The following CASK variants were observed in gnomAD, a reference collection of about 807,000 sequenced individuals.
The protein encoded by CASK is peripheral plasma membrane protein CASK.
In CASK, 4 loss-of-function variants were observed where a neutral mutation model predicts 82.9. That is an observed-to-expected ratio of 0.05 (90% CI 0.02 to 0.11). CASK has a LOEUF of 0.11. CASK is among the 10% of genes least tolerant of loss of function. CASK has a pLI of 1.00. For synonymous variants in CASK, 259 were observed against 253.5 expected (o/e 1.02, Z -0.20); for missense variants, 358 against 720.9 (o/e 0.50, Z 5.76).
chrX:41,734,474 G>GA lies in CASK; in HGVS notation c.429+4909dup, dbSNP rs201490785. Among the ~76,000 whole-genome samples, 52 of 107,210 alleles carry GA rather than the reference G, an allele frequency of 4.9e-4. No individual in the cohort carries two copies. The East Asian group carries it at 0.012, about 25-fold the overall frequency. The allele number at this position is 107,210 out of a possible 115,157, so 93.1% of individuals were successfully genotyped here. ...ACTTTTAATTTAGGGGTGAGAGGAA[G>GA]AAAAAAAAATACCAGAAACATAATG... is the stretch of plus-strand genomic sequence containing the variant. On this transcript the variant is annotated intron_variant, in intron 5 of 26. Coordinates refer to ENST00000378163, the MANE Select transcript of CASK (RefSeq NM_001367721.1).
intron 18 of CASK, chrX:41,558,571 C>G (rs750666859): frequency 9.0e-6 from 1 of 111,358 alleles, no homozygotes; most frequent in Admixed American, 9.6e-5. Context: ...TTAAGTGTGA[C>G]ATTCTTTGTT....
intron 8 of CASK, among the ~76,000 whole-genome samples, chrX:41,642,351 C>T (rs1232542622): frequency 2.7e-5 from 3 of 112,170 alleles, no homozygotes; most frequent in Admixed American, 9.4e-5. Flanking sequence ...AACTAGTTTA[C>T]AGTCCCACCA....
At chrX:41,654,629 C>T (rs761736384) in intron 8 of CASK, among the ~76,000 whole-genome samples, 5 of 110,854 alleles carry the variant, frequency 4.5e-5, no homozygotes, top group African/African-American at 9.9e-5. Context: ...GCTGAGATTG[C>T]GCCACTGCAC....
Position 41,561,561 on chromosome X carries a change from G to A in CASK, c.1666C>T (p.Leu556Phe), listed in dbSNP as rs759510154. ...NQTVEQLQKM[L>F]REMRGSITFK... ...AGGAAAAACTTTCATTTACTTACAA[G>A]CATTTTTTGCAGTTGTTCCACTGTT... The change falls in exon 17 of 27, where the codon CTT (leucine) becomes TTT (phenylalanine). Residue 556 changes from leucine (L) to phenylalanine (F), a missense_variant and splice_region_variant. By Grantham distance (22) the Leu-to-Phe change is conservative (BLOSUM62 0). This residue lies in a region of CASK where 110 missense variants were observed against 218.8 expected (regional missense o/e 0.50). Transcript: ENST00000378163. 5.1e-6 allele frequency: 6 copies of A among 1,181,608 alleles called. No individual in the cohort carries two copies. Among genetic ancestry groups the A allele is most frequent in the Non-Finnish European group, 6.9e-6 (6 of 869,160 alleles).
intron 2 of CASK, among the ~76,000 whole-genome samples, chrX:41,834,202 T>C (rs930058773): frequency 1.8e-5 from 2 of 111,910 alleles, no homozygotes; most frequent in African/African-American, 6.5e-5. Context: ...AACTGTCCTT[T>C]TGTTTGGCGC....
chrX:41,643,620 T>G (rs1478699390), intron 8 of CASK, among the ~76,000 whole-genome samples: 2 of 111,983 alleles, frequency 1.8e-5, no homozygotes, highest in Non-Finnish European at 3.8e-5. Context: ...TGCACATTGA[T>G]TTTGTATCCT....
chrX:41,612,638 C>T (rs1459370564), intron 11 of CASK, among the ~76,000 whole-genome samples: 8 of 95,971 alleles, frequency 8.3e-5, no homozygotes, highest in Non-Finnish European at 4.2e-5. Flanking sequence ...CCAGCCGCCC[C>T]GTCCGGGAGG....
At chrX:41,732,850 C>A (rs770599827) in intron 5 of CASK, among the ~76,000 whole-genome samples, 10 of 109,033 alleles carry the variant, frequency 9.2e-5, no homozygotes, top group Non-Finnish European at 1.7e-4. Context: ...CCTGCCTCAG[C>A]CTCTCCAGTA....
chrX:41,627,301 T>C (rs1178978006), intron 9 of CASK, among the ~76,000 whole-genome samples: 1 of 112,359 alleles, frequency 8.9e-6, no homozygotes, highest in Non-Finnish European at 1.9e-5. Context: ...ATGCATAGCC[T>C]CCCCTTATTC....
At position 41,517,793 on chromosome X, in the gene CASK, G is replaced by C. The variant is rs2064579760; in HGVS notation, c.*2627C>G. 2 of 785,845 alleles carry C rather than the reference G, an allele frequency of 2.5e-6. No homozygotes were observed. The highest frequency in any genetic ancestry group is 2.7e-5 in the Admixed American group (1 of 37,659). 64.8% of individuals were successfully genotyped at this position (785,845 alleles called of 1,213,427 possible). On this transcript the variant is annotated 3_prime_UTR_variant, in exon 27 of 27. Transcript: ENST00000378163. ...AGTAGCAGCAGCAGCAGCAGCAGCA[G>C]CAGCAGCAGCAGCAGCAGCAGCAGC...
chrX:41,820,380 T>C (rs2147902482), intron 2 of CASK, among the ~76,000 whole-genome samples: 1 of 111,286 alleles, frequency 9.0e-6, no homozygotes, highest in East Asian at 2.8e-4. Context: ...TCAATAATCA[T>C]TAAATTAAAA....
chrX:41,646,459 C>G (rs191726585), intron 8 of CASK, among the ~76,000 whole-genome samples: 11 of 110,978 alleles, frequency 9.9e-5, no homozygotes, highest in East Asian at 5.7e-4. Context: ...ACTGTGCATA[C>G]GAGGATCAGC....
At chrX:41,834,691 T>G (rs780045026) in intron 2 of CASK, among the ~76,000 whole-genome samples, 9 of 111,785 alleles carry the variant, frequency 8.1e-5, no homozygotes, top group African/African-American at 2.3e-4. Flanking sequence ...CCTATTGCAA[T>G]AGTTTCTCCC....
intron 6 of CASK, among the ~76,000 whole-genome samples, chrX:41,666,188 CTCTT>C (rs748274313): frequency 5.3e-5 from 6 of 112,150 alleles, no homozygotes; most frequent in Admixed American, 1.9e-4. Flanking sequence ...CCATTCAATC[CTCTT>C]TGACTTTCAT....
At chrX:41,561,425 A>T in intron 17 of CASK, 134 bp downstream of exon 17, 1 of 504,122 alleles carries the variant, frequency 2.0e-6, no homozygotes, top group Non-Finnish European at 3.4e-6. Context: ...TGAATGTTAT[A>T]TAAGTTCAAG....
chrX:41,602,289 T>C (rs1451996073), intron 12 of CASK, among the ~76,000 whole-genome samples: 4 of 111,869 alleles, frequency 3.6e-5, no homozygotes, highest in African/African-American at 1.3e-4. Flanking sequence ...TTCATAGCAT[T>C]TTTTAGTTTT....
intron 8 of CASK, among the ~76,000 whole-genome samples, chrX:41,641,271 A>G (rs183836412): frequency 3.3e-3 from 369 of 111,944 alleles, no homozygotes; most frequent in Non-Finnish European, 5.4e-3. Flanking sequence ...AAAAAATTCA[A>G]TAGTAATGTG....
chrX:41,753,045 A>G (rs1469999845), intron 3 of CASK, among the ~76,000 whole-genome samples: 1 of 112,077 alleles, frequency 8.9e-6, no homozygotes, highest in African/African-American at 3.2e-5. Flanking sequence ...AATTGTGGTA[A>G]CTAGAGTAGA....
intron 5 of CASK, chrX:41,696,692 T>C (rs2067695670): frequency 8.3e-7 from 1 of 1,206,002 alleles, no homozygotes; most frequent in African/African-American, 1.7e-5. Flanking sequence ...CAAGTAGGAG[T>C]GAAAGCACTT....
Sources: allele counts gnomAD v4.1 joint callset (sites outside exome capture counted in the v4.1 genomes callset), GRCh38; gene constraint gnomAD v4.1.1; regional missense constraint gnomAD v4.1.1; transcripts MANE v1.5; gene names NCBI Gene and HGNC (gene_info 2026-07-23, HGNC 2026-07-21).